SNTG1: variants seen among roughly 807,000 people sequenced by gnomAD.
The protein encoded by SNTG1 is gamma-1-syntrophin.
A neutral mutation model predicts 74.7 loss-of-function variants in SNTG1; 39 were observed. The ratio of observed to expected loss-of-function variants is 0.52; its 90% confidence interval spans 0.40 to 0.68. The LOEUF is 0.68. SNTG1 is among the 30% of genes least tolerant of loss of function. The pLI, the probability that SNTG1 is intolerant of heterozygous loss-of-function variation, is 0.00. For missense variants in SNTG1, 685 were observed against 609.5 expected (o/e 1.12, Z -1.30); for synonymous variants, 254 against 217.1 (o/e 1.17, Z -1.49).
At chr8:50,350,889 A>G (rs2091638694) in intron 2 of SNTG1, among the ~76,000 whole-genome samples, 1 of 152,198 alleles carries the variant, frequency 6.6e-6, no homozygotes, top group South Asian at 2.1e-4. Context: ...GGGCCAGATA[A>G]GAGAATGAAA....
intron 2 of SNTG1, among the ~76,000 whole-genome samples, chr8:50,206,541 A>T (rs1046357484): frequency 3.9e-5 from 6 of 152,136 alleles, no homozygotes; most frequent in African/African-American, 7.2e-5. Context: ...CTCTTTTCCT[A>T]ACTGAATACC....
At chr8:50,453,617 T>C (rs549144358) in intron 8 of SNTG1, among the ~76,000 whole-genome samples, 18 of 152,310 alleles carry the variant, frequency 1.2e-4, no homozygotes, top group South Asian at 1.0e-3. Flanking sequence ...TATGTATTCA[T>C]AAAAATGAAC....
intron 8 of SNTG1, among the ~76,000 whole-genome samples, chr8:50,492,909 A>G (rs1212898194): frequency 1.3e-5 from 2 of 152,126 alleles, no homozygotes; most frequent in South Asian, 2.1e-4. Flanking sequence ...TAATTTTTGT[A>G]TAAGGCATAA....
chr8:49,958,348 A>G (rs1463919416), intron 1 of SNTG1, among the ~76,000 whole-genome samples: 2 of 152,176 alleles, frequency 1.3e-5, no homozygotes, highest in African/African-American at 4.8e-5. Context: ...TCCATTATGG[A>G]GAGATGAACA....
At chr8:50,453,732 A>C (rs6984653) in intron 8 of SNTG1, among the ~76,000 whole-genome samples, 4,221 of 152,322 alleles carry the variant, frequency 0.028, 186 homozygotes, top group African/African-American at 0.095. Flanking sequence ...ACCAAATGCC[A>C]CCGCTCACAT....
intron 9 of SNTG1, among the ~76,000 whole-genome samples, chr8:50,508,708 T>C (rs886412622): frequency 6.6e-6 from 1 of 152,242 alleles, no homozygotes; most frequent in Non-Finnish European, 1.5e-5. Context: ...GTTGGTGGCA[T>C]AAATGTCTTC....
chr8:50,180,710 T>A (rs1471494788), intron 2 of SNTG1, among the ~76,000 whole-genome samples: 1 of 151,526 alleles, frequency 6.6e-6, no homozygotes, highest in Non-Finnish European at 1.5e-5. Context: ...AATAGCATTT[T>A]AGATTAATTT....
rs10504095 is a variant in SNTG1 at position 50,091,008 on chromosome 8, A to G, written c.-102-81553A>G. On this transcript the variant is annotated intron_variant, in intron 1 of 18. Transcript: ENST00000642720. ...GGTAAAGAGATGAGGAGTGCTCACAAGAATCTTAATGGACCAAAAATATGT... is the reference window on the plus strand; with the variant it reads ...GGTAAAGAGATGAGGAGTGCTCACAGGAATCTTAATGGACCAAAAATATGT... Among the ~76,000 whole-genome samples, 1,474 of 152,260 alleles carry G rather than the reference A, an allele frequency of 9.7e-3. 29 individuals are homozygous for G. Among genetic ancestry groups the G allele is most frequent in the African/African-American group, 0.034 (1,394 of 41,556 alleles).
chr8:50,105,564 T>C (rs1268485258), intron 1 of SNTG1, among the ~76,000 whole-genome samples: 1 of 152,102 alleles, frequency 6.6e-6, no homozygotes, highest in Non-Finnish European at 1.5e-5. Context: ...TTTCTAATTC[T>C]GTGAAGAAAG....
At chr8:50,667,926 A>G (rs912892224) in intron 15 of SNTG1, among the ~76,000 whole-genome samples, 1 of 151,962 alleles carries the variant, frequency 6.6e-6, no homozygotes, top group Non-Finnish European at 1.5e-5. Context: ...TTTTCCTCTG[A>G]TAATAGAACT....
chr8:50,708,187 C>A (rs1585606074), intron 16 of SNTG1: 3 of 173,156 alleles, frequency 1.7e-5, no homozygotes, highest in East Asian at 1.5e-4. Flanking sequence ...GGCAACAGAG[C>A]AAGACTCTGT....
intron 18 of SNTG1, among the ~76,000 whole-genome samples, chr8:50,787,525 C>A (rs2095679073): frequency 6.6e-6 from 1 of 151,760 alleles, no homozygotes; most frequent in Non-Finnish European, 1.5e-5. Flanking sequence ...AAGATATTCC[C>A]AAACACACAA....
chr8:50,396,066 T>G (rs774516298), intron 3 of SNTG1, among the ~76,000 whole-genome samples: 1 of 152,230 alleles, frequency 6.6e-6, no homozygotes, highest in Non-Finnish European at 1.5e-5. Context: ...CAAAATTGTT[T>G]TGATGTACTA....
At chr8:50,378,074 T>G (rs2092419768) in intron 2 of SNTG1, among the ~76,000 whole-genome samples, 1 of 152,214 alleles carries the variant, frequency 6.6e-6, no homozygotes, top group Non-Finnish European at 1.5e-5. Flanking sequence ...GCTACCAGCC[T>G]GGATCTCATG....
chr8:50,341,442 TATG>T (rs1323878789), intron 2 of SNTG1, among the ~76,000 whole-genome samples: 4 of 151,960 alleles, frequency 2.6e-5, no homozygotes, highest in African/African-American at 4.8e-5. Context: ...AGTGAGCTAA[TATG>T]ATAATATTTA....
chr8:50,071,328 T>C (rs1322058185), intron 1 of SNTG1, among the ~76,000 whole-genome samples: 2 of 152,158 alleles, frequency 1.3e-5, no homozygotes, highest in East Asian at 1.9e-4. Flanking sequence ...CCTCCTAAAG[T>C]AGCTAAGACT....
At chr8:50,059,926 T>C (rs1436003978) in intron 1 of SNTG1, among the ~76,000 whole-genome samples, 2 of 152,156 alleles carry the variant, frequency 1.3e-5, no homozygotes, top group Non-Finnish European at 2.9e-5. Context: ...CAGCCCGTTT[T>C]TCAAAGCAGG....
At chr8:50,524,816 G>A (rs1209110408) in intron 9 of SNTG1, among the ~76,000 whole-genome samples, 1 of 152,092 alleles carries the variant, frequency 6.6e-6, no homozygotes, top group Non-Finnish European at 1.5e-5. Flanking sequence ...GTGAATTTTG[G>A]TATGTGAAGG....
intron 1 of SNTG1, among the ~76,000 whole-genome samples, chr8:49,928,009 G>T (rs985722678): frequency 2.0e-5 from 3 of 151,440 alleles, no homozygotes; most frequent in African/African-American, 7.3e-5. Context: ...TGCACCTGTA[G>T]TCCCAGCTAC....
Sources: gnomAD v4.1 joint callset for allele counts (sites outside exome capture counted in the v4.1 genomes callset) on GRCh38, gnomAD v4.1.1 for gene constraint, MANE v1.5 for transcripts, NCBI Gene and HGNC (gene_info 2026-07-23, HGNC 2026-07-21) for gene names.